The following FAAH2 variants were observed in gnomAD, a reference collection of about 807,000 sequenced individuals.
FAAH2 encodes the protein fatty-acid amide hydrolase 2.
In FAAH2, 60 loss-of-function variants were observed where a neutral mutation model predicts 36.9. The ratio of observed to expected loss-of-function variants is 1.63; its 90% CI spans 1.32 to 2.02. The LOEUF (loss-of-function observed/expected upper bound fraction) is 2.02, where lower values mean the gene tolerates loss of function less well. Ranked by LOEUF, FAAH2 falls within the 30% of genes most tolerant of loss-of-function variation. The pLI, the probability that FAAH2 is intolerant of heterozygous loss-of-function variation, is 0.00. For synonymous variants in FAAH2, 214 were observed against 143.8 expected (o/e 1.49, Z -3.49); for missense variants, 689 against 397.5 (o/e 1.73, Z -6.23).
chrX:57,404,877 T>C (rs1216327070), intron 7 of FAAH2, among the ~76,000 whole-genome samples: 1 of 112,010 alleles, frequency 8.9e-6, no homozygotes, highest in East Asian at 2.8e-4. Flanking sequence ...TGCACCATGA[T>C]CTCAACCGGC....
At chrX:57,341,202 T>C in intron 4 of FAAH2, 69 bp from the exon 5 acceptor site, 2 of 1,086,845 alleles carry the variant, frequency 1.8e-6, no homozygotes, top group Middle Eastern at 2.6e-4. Context: ...AGTGAAAAGA[T>C]GGAAAAAGAT....
the FAAH2 span, among the ~76,000 whole-genome samples, chrX:57,213,268 T>C: frequency 9.0e-6 from 1 of 111,707 alleles, no homozygotes; most frequent in African/African-American, 3.2e-5. Context: ...GTTTATCATT[T>C]CGAAGAAAAA....
At chrX:57,430,299 G>C (rs1416772211) in intron 7 of FAAH2, among the ~76,000 whole-genome samples, 2 of 111,722 alleles carry the variant, frequency 1.8e-5, no homozygotes, top group Non-Finnish European at 3.8e-5. Context: ...CAGGACCTGT[G>C]TCCAATATTC....
the FAAH2 span, among the ~76,000 whole-genome samples, chrX:57,277,036 A>T: frequency 2.7e-5 from 3 of 111,856 alleles, no homozygotes; most frequent in Non-Finnish European, 5.6e-5. Context: ...AACTATTCCA[A>T]TCAATAGAAA....
At chrX:57,155,929 C>T in the FAAH2 span, among the ~76,000 whole-genome samples, 1 of 111,943 alleles carries the variant, frequency 8.9e-6, no homozygotes, top group South Asian at 3.8e-4. Flanking sequence ...ATCCTTCTCC[C>T]GTGATCTAGA....
At chrX:57,255,135 A>T in the FAAH2 span, among the ~76,000 whole-genome samples, 2 of 112,171 alleles carry the variant, frequency 1.8e-5, no homozygotes, top group Non-Finnish European at 3.8e-5. Context: ...CCATAAGAGA[A>T]TACTATAAGC....
At chrX:57,384,104 G>GA (rs749126258) in intron 7 of FAAH2, among the ~76,000 whole-genome samples, 1 of 111,115 alleles carries the variant, frequency 9.0e-6, no homozygotes, top group Non-Finnish European at 1.9e-5. Flanking sequence ...ATGGTGCTGG[G>GA]AAAACTGGCT....
chrX:57,202,168 A>G, the FAAH2 span, among the ~76,000 whole-genome samples: 1 of 111,919 alleles, frequency 8.9e-6, no homozygotes, highest in African/African-American at 3.3e-5. Context: ...TGGTGAGGTC[A>G]TTATTTCTTG....
the FAAH2 span, among the ~76,000 whole-genome samples, chrX:57,212,073 A>G: frequency 3.2e-4 from 36 of 111,444 alleles, no homozygotes; most frequent in Non-Finnish European, 6.0e-4. Context: ...CTGTCTCTAC[A>G]GTTTTTTAAT....
chrX:57,209,173 G>A, the FAAH2 span, among the ~76,000 whole-genome samples: 26 of 111,461 alleles, frequency 2.3e-4, no homozygotes, highest in African/African-American at 7.5e-4. Context: ...TTTTCCTTTT[G>A]TTGCTGAACT....
chrX:57,333,990 A>G (rs1490501375), intron 4 of FAAH2, among the ~76,000 whole-genome samples: 4 of 111,489 alleles, frequency 3.6e-5, no homozygotes, highest in African/African-American at 1.3e-4. Context: ...TATTTTCTTC[A>G]GAAGCCATGC....
At chrX:57,144,448 GT>G in the FAAH2 span, among the ~76,000 whole-genome samples, 6 of 99,866 alleles carry the variant, frequency 6.0e-5, no homozygotes, top group East Asian at 3.1e-4. Context: ...AACTCTGTGG[GT>G]TTTTTTTTCC....
chrX:57,482,791 A>G (rs1279708183), intron 10 of FAAH2, among the ~76,000 whole-genome samples: 1 of 106,443 alleles, frequency 9.4e-6, no homozygotes, highest in Admixed American at 1.0e-4. Context: ...AGGATATAAA[A>G]TTTTTGGCTG....
chrX:57,298,828 G>C (rs1245636531), intron 2 of FAAH2, among the ~76,000 whole-genome samples: 2 of 99,629 alleles, frequency 2.0e-5, no homozygotes, highest in African/African-American at 7.3e-5. Flanking sequence ...ATAAACACCT[G>C]TATGCAAATA....
chrX:57,281,634 T>G, the FAAH2 span, among the ~76,000 whole-genome samples: 5 of 111,953 alleles, frequency 4.5e-5, no homozygotes, highest in Non-Finnish European at 7.5e-5. Flanking sequence ...TTGCATGTCA[T>G]GGAGGTTTGG....
the FAAH2 span, among the ~76,000 whole-genome samples, chrX:57,193,274 G>A: frequency 1.2e-4 from 13 of 111,698 alleles, no homozygotes; most frequent in Admixed American, 1.2e-3. Context: ...GTCTCCCATA[G>A]TGCTCCCAGA....
intron 10 of FAAH2, among the ~76,000 whole-genome samples, chrX:57,487,962 A>C (rs1029578391): frequency 2.7e-4 from 30 of 112,034 alleles, no homozygotes; most frequent in African/African-American, 9.7e-4. Context: ...TTGTCCATAA[A>C]AGAACCATTT....
chrX:57,183,286 A>G, the FAAH2 span, among the ~76,000 whole-genome samples: 1 of 111,866 alleles, frequency 8.9e-6, no homozygotes, highest in Non-Finnish European at 1.9e-5. Flanking sequence ...TTAAGGTACT[A>G]TAACTAAGCC....
At position 57,315,096 on chromosome X, in the gene FAAH2, T is replaced by A. The variant is rs750971848; in HGVS notation, c.412+4367T>A. ...ATGACAAACATAACATTACAACTTA[T>A]TTCATGGAAATACGAAAGATTGTCA... On this transcript the variant is annotated intron_variant, in intron 3 of 10. Coordinates refer to ENST00000374900, the MANE Select transcript of FAAH2 (RefSeq NM_174912.4). Among the ~76,000 whole-genome samples the A allele has an allele frequency of 5.7e-4, 64 of 111,439 alleles. 1 individual carries two copies. Among genetic ancestry groups the A allele is most frequent in the Non-Finnish European group, 2.6e-4 (14 of 52,947 alleles).
Sources: gnomAD v4.1 joint callset for allele counts (sites outside exome capture counted in the v4.1 genomes callset) on GRCh38, gnomAD v4.1.1 for gene constraint, MANE v1.5 for transcripts, NCBI Gene and HGNC (gene_info 2026-07-23, HGNC 2026-07-21) for gene names.